Variants in PDZD2 observed in about 807,000 individuals in gnomAD.
PDZD2 encodes PDZ domain-containing protein 2.
A neutral mutation model predicts 220.7 loss-of-function variants in PDZD2; 90 were observed. The observed-to-expected ratio is 0.41, with a 90% CI of 0.34 to 0.49. The LOEUF (loss-of-function observed/expected upper bound fraction) is 0.49. Among genes scored for constraint, PDZD2 ranks in the 20% least tolerant of loss-of-function variants. The pLI is 0.28. For synonymous variants in PDZD2, 1,375 were observed against 1,450.5 expected (o/e 0.95, Z 1.18); for missense variants, 3,174 against 3,608.5 (o/e 0.88, Z 3.08).
intron 2 of PDZD2, among the ~76,000 whole-genome samples, chr5:31,815,412 G>A (rs1190033947): frequency 1.3e-5 from 2 of 152,080 alleles, no homozygotes; most frequent in East Asian, 1.9e-4. Flanking sequence ...GCTTTGCAGG[G>A]CTGTTTCAAA....
chr5:32,109,984 A>G lies in PDZD2; in HGVS notation c.*1849A>G, dbSNP rs775565861. On this transcript the variant is annotated 3_prime_UTR_variant, in exon 25 of 25. Coordinates refer to ENST00000438447, the MANE Select transcript of PDZD2 (RefSeq NM_178140.4). The stretch of plus-strand genomic sequence containing the variant: ...CTTATTGATTTTACTTCTACTTTTC[A>G]CTACAGTTACAGGTAGAATACTGTA... 3 of 152,624 alleles carry G rather than the reference A, an allele frequency of 2.0e-5. No individual in the cohort carries two copies. Among genetic ancestry groups the G allele is most frequent in the Non-Finnish European group, 4.4e-5 (3 of 68,042 alleles). 9.5% of individuals were successfully genotyped at this position (152,624 alleles called of 1,614,324 possible). A position where few individuals can be genotyped will look rare whatever the true frequency, so the allele number is the denominator to read the frequency against.
rs201947093 is a variant in PDZD2 at position 31,694,793 on chromosome 5, A to ATTTTATTTTATTTTATTTTATTTTAT, written c.-361+55359_-361+55360insTATTTTATTTTATTTTATTTTATTTT. Among the ~76,000 whole-genome samples, 496 of 114,698 alleles carry ATTTTATTTTATTTTATTTTATTTTAT rather than the reference A, an allele frequency of 4.3e-3. 5 individuals carry two copies. The highest frequency in any genetic ancestry group is 0.021 in the Admixed American group (250 of 11,966). 75.2% of individuals were successfully genotyped at this position (114,698 alleles called of 152,430 possible). ...TCCTGGATTTTATTTTATTTTATTTATTTATTTTTTTTTTGTGAAAGCAAG... is the reference window on the plus strand; with the variant it reads ...TCCTGGATTTTATTTTATTTTATTTATTTTATTTTATTTTATTTTATTTTATTTTATTTTTTTTTTGTGAAAGCAAG... On this transcript the variant is annotated intron_variant, in intron 1 of 24. Coordinates refer to ENST00000438447, the MANE Select transcript of PDZD2 (RefSeq NM_178140.4).
intron 1 of PDZD2, among the ~76,000 whole-genome samples, chr5:31,770,176 A>G (rs1752256562): frequency 6.6e-6 from 1 of 152,188 alleles, no homozygotes; most frequent in South Asian, 2.1e-4. Context: ...AAGAGGATGA[A>G]GAAGAAAATG....
At chr5:31,659,974 C>T (rs1407854250) in intron 1 of PDZD2, among the ~76,000 whole-genome samples, 3 of 152,184 alleles carry the variant, frequency 2.0e-5, no homozygotes, top group Non-Finnish European at 4.4e-5. Context: ...AGATTATTAG[C>T]CCTATCGAAT....
intron 9 of PDZD2, among the ~76,000 whole-genome samples, 196 bp from the exon 10 acceptor site, chr5:32,053,572 AG>A (rs1738794781): frequency 6.6e-6 from 1 of 152,156 alleles, no homozygotes; most frequent in Non-Finnish European, 1.5e-5. Flanking sequence ...AATAGATCGG[AG>A]GAGGGGAATA....
chr5:31,953,249 A>ATTT (rs1025075231), intron 2 of PDZD2, among the ~76,000 whole-genome samples: 29 of 152,140 alleles, frequency 1.9e-4, no homozygotes, highest in African/African-American at 6.7e-4. Flanking sequence ...GAGAGGAAGT[A>ATTT]TTTCAAAAGC....
chr5:31,877,337 TC>T (rs2150331270), intron 2 of PDZD2, among the ~76,000 whole-genome samples: 1 of 152,200 alleles, frequency 6.6e-6, no homozygotes, highest in South Asian at 2.1e-4. Flanking sequence ...CACTTCAGCC[TC>T]CCAAGTAGCT....
At chr5:31,781,043 A>T (rs1186938327) in intron 1 of PDZD2, among the ~76,000 whole-genome samples, 1 of 152,120 alleles carries the variant, frequency 6.6e-6, no homozygotes, top group Admixed American at 6.5e-5. Flanking sequence ...TGTCACTTAC[A>T]CCACCGATCA....
chr5:31,756,145 G>A (rs879650849), intron 1 of PDZD2, among the ~76,000 whole-genome samples: 1 of 152,148 alleles, frequency 6.6e-6, no homozygotes, highest in Non-Finnish European at 1.5e-5. Context: ...AGGATGGAAC[G>A]GGGAAACGCA....
At chr5:31,999,257 G>C (rs975007933) in intron 4 of PDZD2, among the ~76,000 whole-genome samples, 3 of 143,240 alleles carry the variant, frequency 2.1e-5, no homozygotes, top group African/African-American at 7.8e-5. Context: ...GCTTTTTTTT[G>C]GGGGGGGCGG....
chr5:32,015,789 T>C (rs1330831261), intron 6 of PDZD2, among the ~76,000 whole-genome samples: 2 of 149,646 alleles, frequency 1.3e-5, no homozygotes, highest in South Asian at 4.2e-4. Flanking sequence ...TTCAGTATAA[T>C]AGGGTGTGAA....
intron 3 of PDZD2, among the ~76,000 whole-genome samples, chr5:31,995,325 C>T (rs1030619370): frequency 6.6e-6 from 1 of 152,188 alleles, no homozygotes; most frequent in Non-Finnish European, 1.5e-5. Flanking sequence ...ACTCAATAGC[C>T]ACCTGTGGCT....
At chr5:31,731,454 G>A (rs1316547247) in intron 1 of PDZD2, among the ~76,000 whole-genome samples, 1 of 152,130 alleles carries the variant, frequency 6.6e-6, no homozygotes, top group Non-Finnish European at 1.5e-5. Flanking sequence ...AAGAGACCCT[G>A]TATCCATTAA....
intron 2 of PDZD2, among the ~76,000 whole-genome samples, chr5:31,814,660 TA>T (rs959741047): frequency 1.3e-5 from 2 of 149,818 alleles, no homozygotes; most frequent in Non-Finnish European, 3.0e-5. Flanking sequence ...TCGTCTCTAC[TA>T]AAAAAAAACA....
chr5:31,875,667 A>T (rs888370452), intron 2 of PDZD2, among the ~76,000 whole-genome samples: 1 of 148,482 alleles, frequency 6.7e-6, no homozygotes, highest in Non-Finnish European at 1.5e-5. Flanking sequence ...AAATATAAGC[A>T]TATAAATTTA....
intron 2 of PDZD2, among the ~76,000 whole-genome samples, chr5:31,970,142 A>T (rs1749167304): frequency 6.6e-6 from 1 of 151,818 alleles, no homozygotes; most frequent in African/African-American, 2.4e-5. Flanking sequence ...TGATCCGCCC[A>T]CCTCGGCCTC....
chr5:31,747,490 G>A (rs539774863), intron 1 of PDZD2, among the ~76,000 whole-genome samples: 5 of 152,238 alleles, frequency 3.3e-5, no homozygotes, highest in Non-Finnish European at 4.4e-5. Flanking sequence ...TTTTTCAGGT[G>A]ACAAGGTGCT....
chr5:31,810,926 A>C (rs922694853), intron 2 of PDZD2, among the ~76,000 whole-genome samples: 4 of 152,230 alleles, frequency 2.6e-5, no homozygotes, highest in African/African-American at 9.6e-5. Flanking sequence ...TTCTCCAAAG[A>C]TTTTGAGGAT....
intron 1 of PDZD2, among the ~76,000 whole-genome samples, chr5:31,797,944 G>A (rs560872425): frequency 3.2e-4 from 49 of 152,160 alleles, no homozygotes; most frequent in Admixed American, 5.2e-4. Context: ...AGCGTGAAAG[G>A]GATCACTTTT....
Sources: gnomAD v4.1 joint callset for allele counts (sites outside exome capture counted in the v4.1 genomes callset) on GRCh38, gnomAD v4.1.1 for gene constraint, MANE v1.5 for transcripts, NCBI Gene and HGNC (gene_info 2026-07-23, HGNC 2026-07-21) for gene names.